SLC24A2: variants seen among roughly 807,000 people sequenced by gnomAD.
SLC24A2 encodes solute carrier family 24 member 2, also known as sodium/potassium/calcium exchanger 2.
Under a neutral mutation model 62.0 loss-of-function variants are expected in SLC24A2, and 36 were observed. The ratio of observed to expected loss-of-function variants is 0.58; its 90% CI spans 0.44 to 0.77. SLC24A2 has a LOEUF of 0.77. Ranked by LOEUF, SLC24A2 falls within the 30% of genes least tolerant of loss-of-function variation. SLC24A2 has a pLI of 0.00. For missense variants in SLC24A2, 846 were observed against 817.9 expected (o/e 1.03, Z -0.42); for synonymous variants, 358 against 294.0 (o/e 1.22, Z -2.23).
At chr9:19,860,782 G>A in the SLC24A2 span, among the ~76,000 whole-genome samples, 16 of 152,296 alleles carry the variant, frequency 1.1e-4, no homozygotes, top group African/African-American at 3.8e-4. Context: ...TGGGCCTTAA[G>A]AGAACATTGG....
the SLC24A2 span, among the ~76,000 whole-genome samples, chr9:20,110,521 C>T: frequency 1.3e-5 from 2 of 151,830 alleles, no homozygotes; most frequent in African/African-American, 4.8e-5. Flanking sequence ...ACTCTGTGTA[C>T]TTTAATCATA....
At chr9:19,695,490 T>A (rs984834283) in intron 2 of SLC24A2, among the ~76,000 whole-genome samples, 8 of 151,992 alleles carry the variant, frequency 5.3e-5, no homozygotes, top group Non-Finnish European at 1.2e-4. Flanking sequence ...TCATTAAAAA[T>A]CTTAAGAAGA....
Position 19,508,120 on chromosome 9 carries a change from G to C in SLC24A2, c.*8033C>G, listed in dbSNP as rs1386806260. The C allele has an allele frequency of 1.3e-5, 2 of 152,198 alleles. No homozygotes were observed. Among genetic ancestry groups the C allele is most frequent in the African/African-American group, 4.8e-5 (2 of 41,446 alleles). The allele number at this position is 152,198 out of a possible 1,614,324, so 9.4% of individuals were successfully genotyped here. On this transcript the variant is annotated 3_prime_UTR_variant, in exon 11 of 11. Transcript: ENST00000341998. ...GCTTTGATGGCTTTTTAAGTATGTG[G>C]ATTGCTTGATGGTGGAAGCTGTTGC...
the SLC24A2 span, among the ~76,000 whole-genome samples, chr9:19,818,055 A>T: frequency 6.6e-6 from 1 of 152,112 alleles, no homozygotes; most frequent in Admixed American, 6.6e-5. Context: ...CCTATAACGT[A>T]TCTTTAAATA....
the SLC24A2 span, among the ~76,000 whole-genome samples, chr9:20,293,355 C>T: frequency 2.0e-5 from 3 of 152,314 alleles, no homozygotes; most frequent in African/African-American, 7.2e-5. Context: ...GATTCCTTCC[C>T]TGACCTCTCT....
chr9:19,800,017 T>TTG, the SLC24A2 span, among the ~76,000 whole-genome samples: 1 of 152,214 alleles, frequency 6.6e-6, no homozygotes, highest in Non-Finnish European at 1.5e-5. Context: ...ATTCCTGGAT[T>TTG]TGTGGCTGCA....
chr9:20,135,737 A>C, the SLC24A2 span, among the ~76,000 whole-genome samples: 1 of 151,980 alleles, frequency 6.6e-6, no homozygotes, highest in Non-Finnish European at 1.5e-5. Context: ...ATTTTTTTTT[A>C]ATTTTAATTT....
chr9:20,113,078 G>A, the SLC24A2 span, among the ~76,000 whole-genome samples: 42 of 149,140 alleles, frequency 2.8e-4, no homozygotes. Context: ...CATCCTCAGA[G>A]TTTTGGGGCA....
the SLC24A2 span, among the ~76,000 whole-genome samples, chr9:20,263,738 C>G: frequency 6.6e-6 from 1 of 151,748 alleles, no homozygotes; most frequent in Non-Finnish European, 1.5e-5. Context: ...AGTATGTGTT[C>G]CTTTTGGAAG....
At chr9:20,103,940 A>G in the SLC24A2 span, among the ~76,000 whole-genome samples, 2 of 152,134 alleles carry the variant, frequency 1.3e-5, no homozygotes, top group Admixed American at 6.6e-5. Flanking sequence ...CAAAGAAGTT[A>G]AAAACTTTAA....
the SLC24A2 span, among the ~76,000 whole-genome samples, chr9:19,970,542 G>A: frequency 1.3e-5 from 2 of 152,092 alleles, no homozygotes; most frequent in Non-Finnish European, 2.9e-5. Flanking sequence ...TTTGAATTCT[G>A]CAAGTTTTAT....
chr9:19,527,590 A>G (rs1395866402), intron 9 of SLC24A2, among the ~76,000 whole-genome samples: 2 of 152,206 alleles, frequency 1.3e-5, no homozygotes, highest in African/African-American at 4.8e-5. Context: ...TATTGAGTTA[A>G]AAATAATAAC....
chr9:19,929,675 T>G, the SLC24A2 span: 1 of 152,338 alleles, frequency 6.6e-6, no homozygotes, highest in African/African-American at 2.4e-5. Flanking sequence ...TACTCCTATT[T>G]ATTAAAAAAA....
intron 2 of SLC24A2, chr9:19,705,440 C>T (rs1264878662): frequency 5.7e-6 from 1 of 174,846 alleles, no homozygotes; most frequent in Non-Finnish European, 1.3e-5. Flanking sequence ...GCTGCTCATG[C>T]AGCACCACCT....
chr9:19,642,671 C>CTTTTTTTTTTTTTTTTTTT lies in SLC24A2; in HGVS notation c.931-20391_931-20373dup, dbSNP rs71335440. Among the ~76,000 whole-genome samples the CTTTTTTTTTTTTTTTTTTT allele has an allele frequency of 1.1e-4, 9 of 79,850 alleles. 4 individuals are homozygous for CTTTTTTTTTTTTTTTTTTT. Among genetic ancestry groups the CTTTTTTTTTTTTTTTTTTT allele is most frequent in the African/African-American group, 9.5e-5 (2 of 21,016 alleles). 52.4% of individuals were successfully genotyped at this position (79,850 alleles called of 152,430 possible). Reference sequence around the variant, plus strand: ...AGAATGGTTTATATGAGAGCGTATTCTTTTTTTTTTTTTTTTTTTTTTTTT... The same window carrying CTTTTTTTTTTTTTTTTTTT: ...AGAATGGTTTATATGAGAGCGTATTCTTTTTTTTTTTTTTTTTTTTTTTTTTTTTTTTTTTTTTTTTTTT... On this transcript the variant is annotated intron_variant, in intron 2 of 10. Coordinates refer to ENST00000341998, the MANE Select transcript of SLC24A2 (RefSeq NM_020344.4).
chr9:20,301,113 T>TC, the SLC24A2 span, among the ~76,000 whole-genome samples: 1 of 152,120 alleles, frequency 6.6e-6, no homozygotes, highest in Non-Finnish European at 1.5e-5. Context: ...GGCACATTGC[T>TC]CCCCAAGCAA....
intron 8 of SLC24A2, among the ~76,000 whole-genome samples, chr9:19,546,770 C>T (rs1335929206): frequency 6.6e-6 from 1 of 152,044 alleles, no homozygotes; most frequent in Non-Finnish European, 1.5e-5. Context: ...CTGCAGCTAG[C>T]TCAGGGTCTG....
chr9:19,880,318 T>C, the SLC24A2 span, among the ~76,000 whole-genome samples: 1 of 152,192 alleles, frequency 6.6e-6, no homozygotes, highest in African/African-American at 2.4e-5. Context: ...TTTCATCATA[T>C]AACTTTCAAA....
At chr9:19,992,774 T>C in the SLC24A2 span, among the ~76,000 whole-genome samples, 3 of 152,206 alleles carry the variant, frequency 2.0e-5, no homozygotes, top group Non-Finnish European at 4.4e-5. Context: ...CACAAGTATG[T>C]GGTTTCTCTG....
Sources: allele counts gnomAD v4.1 joint callset (sites outside exome capture counted in the v4.1 genomes callset), GRCh38; gene constraint gnomAD v4.1.1; transcripts MANE v1.5; gene names NCBI Gene and HGNC (gene_info 2026-07-23, HGNC 2026-07-21).